The following COL18A1 variants were observed in gnomAD, a reference collection of about 807,000 sequenced individuals.
The protein encoded by COL18A1 is collagen alpha-1(XVIII) chain.
In COL18A1, 133 loss-of-function variants were observed where a neutral mutation model predicts 168.0. The observed-to-expected ratio is 0.79, with a 90% CI of 0.69 to 0.91. The LOEUF (loss-of-function observed/expected upper bound fraction) is 0.91. Ranked by LOEUF, COL18A1 falls within the 40% of genes least tolerant of loss-of-function variation. The pLI is 0.00. For synonymous variants in COL18A1, 949 were observed against 809.0 expected, an observed-to-expected ratio of 1.17 and a Z score of -2.94; for missense variants, 2,126 against 1,925.4, an observed-to-expected ratio of 1.10 and a Z score of -1.95.
intron 2 of COL18A1, among the ~76,000 whole-genome samples, chr21:45,464,397 A>AACAG (rs1037875449): frequency 1.3e-5 from 2 of 152,202 alleles, no homozygotes; most frequent in African/African-American, 4.8e-5. Flanking sequence ...GAGAGGGTGG[A>AACAG]ACAGAGCTCC....
intron 29 of COL18A1, chr21:45,495,884 C>A: frequency 3.1e-6 from 1 of 318,610 alleles, no homozygotes; most frequent in South Asian, 2.7e-5. Flanking sequence ...TGTGTATCCA[C>A]ATACATGACT....
chr21:45,479,460 C>T (rs1475268184), intron 9 of COL18A1, among the ~76,000 whole-genome samples: 1 of 152,158 alleles, frequency 6.6e-6, no homozygotes, highest in Non-Finnish European at 1.5e-5. Flanking sequence ...ACACATACCA[C>T]ACGTGGATAC....
intron 15 of COL18A1, among the ~76,000 whole-genome samples, chr21:45,484,550 A>G (rs1174969044): frequency 1.3e-5 from 2 of 152,264 alleles, no homozygotes; most frequent in Non-Finnish European, 2.9e-5. Context: ...ACATGTGCAC[A>G]CAGCTCTCAT....
chr21:45,506,060 G>A (rs370034439), intron 37 of COL18A1, 94 bp downstream of exon 37: 31 of 1,588,186 alleles, frequency 2.0e-5, no homozygotes, highest in East Asian at 6.7e-5. Flanking sequence ...CCCCGGACAG[G>A]GATGGGAGCA....
chr21:45,488,913 C>T (rs1334379110), intron 18 of COL18A1, among the ~76,000 whole-genome samples: 1 of 151,808 alleles, frequency 6.6e-6, no homozygotes, highest in Non-Finnish European at 1.5e-5. Context: ...CCCCACCCCA[C>T]CCAGGCCCCG....
intron 2 of COL18A1, among the ~76,000 whole-genome samples, chr21:45,437,298 A>T (rs568070752): frequency 1.4e-4 from 17 of 121,664 alleles, no homozygotes; most frequent in Admixed American, 3.2e-4. Context: ...GCACACACAC[A>T]CACTCACACA....
rs180703304 is a variant in COL18A1, at chr21:45,427,227, G to A, written c.106+21754G>A. Among the ~76,000 whole-genome samples, 84 of 152,214 alleles carry A rather than the reference G, an allele frequency of 5.5e-4. 1 individual carries two copies. Among genetic ancestry groups the A allele is most frequent in the African/African-American group, 2.0e-3 (82 of 41,536 alleles). On this transcript the variant is annotated intron_variant, in intron 2 of 41. Transcript: ENST00000651438. ...TGTGGGTGCCATATCCACCTCCATC[G>A]CAGCCCTTTCTCTCTCGACCTTTTA...
At chr21:45,510,370 A>C (rs2037506149) in intron 40 of COL18A1, 109 bp downstream of exon 40, 1 of 1,259,332 alleles carries the variant, frequency 7.9e-7, no homozygotes, top group South Asian at 1.3e-5. Context: ...CCACCATGTT[A>C]CAGACACTGG....
intron 13 of COL18A1, 69 bp downstream of exon 13, chr21:45,480,927 T>C: frequency 4.6e-6 from 7 of 1,530,484 alleles, no homozygotes; most frequent in Non-Finnish European, 5.3e-6. Flanking sequence ...ACACCCCACA[T>C]GGGAGCCCCT....
rs2037589357 is a variant in COL18A1, at chr21:45,511,199, G to A, written c.3782G>A (p.Gly1261Asp). 1 of 1,592,200 alleles carries A rather than the reference G, an allele frequency of 6.3e-7. No individual in the cohort carries two copies. Among genetic ancestry groups the A allele is most frequent in the Non-Finnish European group, 8.6e-7 (1 of 1,168,294 alleles). The change falls in exon 41 of 42, where the codon GGC becomes GAC. Residue 1261 changes from glycine to aspartate, a missense_variant. Transcript: ENST00000651438. ...GGGGCACGCATCTTCTCCTTTGACG[G>A]CAAGGACGTCCTGAGGCACCCCACC... ...KPGARIFSFDGKDVLRHPTWP... is the reference protein window; with the variant it reads ...KPGARIFSFDDKDVLRHPTWP...
chr21:45,483,768 G>A (rs1479252349), intron 15 of COL18A1, among the ~76,000 whole-genome samples: 1 of 152,212 alleles, frequency 6.6e-6, no homozygotes, highest in Non-Finnish European at 1.5e-5. Flanking sequence ...GAAGGCCAGT[G>A]GGGAGAGGAG....
At chr21:45,484,302 ACAC>A (rs1215158036) in intron 15 of COL18A1, among the ~76,000 whole-genome samples, 1 of 149,092 alleles carries the variant, frequency 6.7e-6, no homozygotes, top group East Asian at 2.0e-4. Flanking sequence ...ATGTGCACAC[ACAC>A]ACCTCCAGCA....
intron 22 of COL18A1, 40 bp from the exon 23 acceptor site, chr21:45,492,495 C>T (rs746877767): frequency 2.5e-5 from 41 of 1,612,754 alleles, no homozygotes; most frequent in African/African-American, 6.7e-5. Flanking sequence ...ATTTTAAACG[C>T]GGCTCTTTGT....
chr21:45,409,113 G>A (rs1468710794), intron 2 of COL18A1, among the ~76,000 whole-genome samples: 1 of 151,774 alleles, frequency 6.6e-6, no homozygotes, highest in Non-Finnish European at 1.5e-5. Context: ...ATGCAGAGAA[G>A]GGGCCACCCC....
rs755756703 is a variant in COL18A1, at chr21:45,512,549, A to G, written c.*151A>G. On this transcript the variant is annotated 3_prime_UTR_variant, in exon 42 of 42. Coordinates refer to ENST00000651438, the MANE Select transcript of COL18A1 (RefSeq NM_001379500.1). The stretch of plus-strand genomic sequence containing the variant: ...CGTTTCATGTAATCCTCAAGAAATA[A>G]AAGGAAGCCAAAGAGTGTATTTTTT... 10 of 707,388 alleles carry G rather than the reference A, an allele frequency of 1.4e-5. No individual in the cohort carries two copies. The highest frequency in any genetic ancestry group is 2.1e-5 in the Non-Finnish European group (9 of 423,918). 43.8% of individuals were successfully genotyped at this position (707,388 alleles called of 1,614,324 possible). A position where few individuals can be genotyped will look rare whatever the true frequency, so the allele number is the denominator to read the frequency against.
chr21:45,482,638 G>A (rs1323539556), intron 14 of COL18A1, among the ~76,000 whole-genome samples, 157 bp from the exon 15 acceptor site: 1 of 152,184 alleles, frequency 6.6e-6, no homozygotes. Flanking sequence ...CAGAAAGGGG[G>A]GATGACAGCG....
chr21:45,456,243 G>A (rs956658327), intron 2 of COL18A1: 75 of 1,594,218 alleles, frequency 4.7e-5, no homozygotes, highest in Non-Finnish European at 6.2e-5. Context: ...GACCCAGACA[G>A]CCAAGGACTC....
At position 45,480,840 on chromosome 21, in the gene COL18A1, C is replaced by T. The variant is rs773800182; in HGVS notation, c.1593C>T (p.Pro531=). Residue 531 remains proline (P), a synonymous_variant, in exon 13 of 42, where the codon CCC becomes CCT. Coordinates refer to ENST00000651438, the MANE Select transcript of COL18A1 (RefSeq NM_001379500.1). Reference sequence around the variant, plus strand: ...GTGTGCCTGGGCGCGAGGGTCCCCCCGGGTTTCCTGGCCTCCCGGTAAGTC... The same window carrying T: ...GTGTGCCTGGGCGCGAGGGTCCCCCTGGGTTTCCTGGCCTCCCGGTAAGTC... ...LPGVPGREGP[P]GFPGLPGPPG... is the part of the protein sequence containing the mutation. 44 of 1,611,070 alleles carry T rather than the reference C, an allele frequency of 2.7e-5. 2 individuals are homozygous for T. In the East Asian group the frequency reaches 3.1e-4, roughly 11 times the overall value.
intron 2 of COL18A1, among the ~76,000 whole-genome samples, chr21:45,416,566 A>T (rs778119006): frequency 6.6e-6 from 1 of 151,922 alleles, no homozygotes; most frequent in African/African-American, 2.4e-5. Flanking sequence ...GTCACCCAGC[A>T]TCTCTTAGAT....
Sources: gnomAD v4.1 joint callset for allele counts (sites outside exome capture counted in the v4.1 genomes callset) on GRCh38, gnomAD v4.1.1 for gene constraint, MANE v1.5 for transcripts, NCBI Gene and HGNC (gene_info 2026-07-23, HGNC 2026-07-21) for gene names.